The following KCNH8 variants were observed in gnomAD, a reference collection of about 807,000 sequenced individuals.
KCNH8 encodes the protein potassium voltage-gated channel subfamily H member 8.
In KCNH8, 70 loss-of-function variants were observed where a neutral mutation model predicts 103.6. The ratio of observed to expected loss-of-function variants is 0.68; its 90% CI spans 0.56 to 0.82. KCNH8 has a LOEUF of 0.82. KCNH8 is among the 40% of genes least tolerant of loss of function. The pLI, the probability that KCNH8 is intolerant of heterozygous loss-of-function variation, is 0.00. For synonymous variants in KCNH8, 498 were observed against 489.4 expected (o/e 1.02, Z -0.23); for missense variants, 1,217 against 1,329.9 (o/e 0.92, Z 1.32).
intron 3 of KCNH8, among the ~76,000 whole-genome samples, chr3:19,323,379 G>A (rs56177990): frequency 0.029 from 4,434 of 152,174 alleles, 228 homozygotes; most frequent in African/African-American, 0.1. Context: ...AACCCGGGAG[G>A]CAGAGCTTGC....
intron 2 of KCNH8, among the ~76,000 whole-genome samples, chr3:19,262,322 C>T (rs934227264): frequency 2.6e-5 from 4 of 151,766 alleles, no homozygotes; most frequent in Admixed American, 2.6e-4. Flanking sequence ...TCCTTCTCAT[C>T]CATTATTTTG....
intron 7 of KCNH8, among the ~76,000 whole-genome samples, chr3:19,398,336 C>G (rs1250393363): frequency 6.6e-6 from 1 of 151,832 alleles, no homozygotes; most frequent in Non-Finnish European, 1.5e-5. Context: ...ACTAGAATAT[C>G]ATCAAAGGCT....
At position 19,534,230 on chromosome 3, in the gene KCNH8, C is replaced by A; in HGVS notation, c.*131C>A. On this transcript the variant is annotated 3_prime_UTR_variant, in exon 16 of 16. Transcript: ENST00000328405. ...ATCCTGCAGAAAAGAGTGTGAGGAGCCAGGGAAAGGCAGAACCACCTCCAT... is the reference window on the plus strand; with the variant it reads ...ATCCTGCAGAAAAGAGTGTGAGGAGACAGGGAAAGGCAGAACCACCTCCAT... 1 of 670,902 alleles carries A rather than the reference C, an allele frequency of 1.5e-6. No homozygotes were observed. The highest frequency in any genetic ancestry group is 2.5e-6 in the Non-Finnish European group (1 of 396,028). 41.6% of individuals were successfully genotyped at this position (670,902 alleles called of 1,614,324 possible). A position where few individuals can be genotyped will look rare whatever the true frequency, so the allele number is the denominator to read the frequency against.
At chr3:19,204,413 G>T (rs59046749) in intron 1 of KCNH8, among the ~76,000 whole-genome samples, 6,182 of 151,952 alleles carry the variant, frequency 0.041, 445 homozygotes, top group African/African-American at 0.14. Flanking sequence ...CTCTTGCTGG[G>T]AGTGGGGGAA....
intron 3 of KCNH8, among the ~76,000 whole-genome samples, chr3:19,311,619 G>T (rs761958457): frequency 1.3e-5 from 2 of 151,624 alleles, no homozygotes; most frequent in Non-Finnish European, 2.9e-5. Context: ...ATTTCCTCAC[G>T]CTCAGTCTGT....
chr3:19,305,665 A>T (rs1216951913), intron 3 of KCNH8, among the ~76,000 whole-genome samples: 1 of 152,158 alleles, frequency 6.6e-6, no homozygotes, highest in Admixed American at 6.5e-5. Context: ...TAGTGTTAGT[A>T]GCAATAAACA....
At chr3:19,371,130 T>C (rs1476147112) in intron 5 of KCNH8, among the ~76,000 whole-genome samples, 1 of 151,266 alleles carries the variant, frequency 6.6e-6, no homozygotes, top group African/African-American at 2.4e-5. Flanking sequence ...TACCCAGTAA[T>C]GGGATGGCTG....
intron 7 of KCNH8, among the ~76,000 whole-genome samples, chr3:19,418,274 T>C (rs2066892976): frequency 6.6e-6 from 1 of 152,064 alleles, no homozygotes; most frequent in Non-Finnish European, 1.5e-5. Context: ...ATTTGCAAGA[T>C]AAATAAACCT....
At chr3:19,228,945 G>A (rs1485070889) in intron 1 of KCNH8, among the ~76,000 whole-genome samples, 2 of 152,228 alleles carry the variant, frequency 1.3e-5, no homozygotes, top group Non-Finnish European at 2.9e-5. Context: ...TGCAAGTCAT[G>A]CAGCGAAGCC....
chr3:19,415,217 A>AC (rs1343376671), intron 7 of KCNH8, among the ~76,000 whole-genome samples: 1 of 151,966 alleles, frequency 6.6e-6, no homozygotes, highest in Non-Finnish European at 1.5e-5. Flanking sequence ...TGTTCTAGGT[A>AC]CCTACATGGG....
chr3:19,171,575 T>A (rs1321218620), intron 1 of KCNH8, among the ~76,000 whole-genome samples: 2 of 152,184 alleles, frequency 1.3e-5, no homozygotes, highest in Non-Finnish European at 2.9e-5. Context: ...ACTCTATAAA[T>A]AAGTTAGCCT....
chr3:19,161,545 GTTAACT>G (rs1264242983), intron 1 of KCNH8, among the ~76,000 whole-genome samples: 1 of 152,156 alleles, frequency 6.6e-6, no homozygotes, highest in African/African-American at 2.4e-5. Flanking sequence ...TGGAAAACCA[GTTAACT>G]TTAATAATGG....
At chr3:19,474,243 A>G (rs2067923483) in intron 11 of KCNH8, among the ~76,000 whole-genome samples, 1 of 152,212 alleles carries the variant, frequency 6.6e-6, no homozygotes, top group African/African-American at 2.4e-5. Context: ...CATATTTAAT[A>G]GTGCTTTTCC....
chr3:19,483,593 C>G (rs1325316750), intron 11 of KCNH8, among the ~76,000 whole-genome samples: 1 of 152,172 alleles, frequency 6.6e-6, no homozygotes, highest in Non-Finnish European at 1.5e-5. Flanking sequence ...CATTGAGAAA[C>G]TGGGCTACAT....
intron 11 of KCNH8, among the ~76,000 whole-genome samples, chr3:19,488,229 G>A (rs1319739569): frequency 6.6e-6 from 1 of 152,178 alleles, no homozygotes; most frequent in African/African-American, 2.4e-5. Flanking sequence ...TGGTTACATT[G>A]AAAGTGTGGG....
intron 2 of KCNH8, among the ~76,000 whole-genome samples, chr3:19,262,054 C>A (rs1559448572): frequency 6.7e-6 from 1 of 150,332 alleles, no homozygotes; most frequent in African/African-American, 2.4e-5. Context: ...TGCTTCTAAC[C>A]TTTTTTTTTC....
chr3:19,411,763 C>CCA (rs952996985), intron 7 of KCNH8, among the ~76,000 whole-genome samples: 9 of 150,184 alleles, frequency 6.0e-5, no homozygotes, highest in African/African-American at 2.0e-4. Context: ...TTAACCGTAG[C>CCA]CACACACACA....
intron 11 of KCNH8, among the ~76,000 whole-genome samples, chr3:19,490,483 A>C (rs930164932): frequency 6.6e-6 from 1 of 152,224 alleles, no homozygotes; most frequent in Non-Finnish European, 1.5e-5. Flanking sequence ...ATGGAACAGA[A>C]CAGGACAGGG....
chr3:19,285,507 C>T (rs2064818462), intron 3 of KCNH8, among the ~76,000 whole-genome samples: 1 of 152,064 alleles, frequency 6.6e-6, no homozygotes, highest in Non-Finnish European at 1.5e-5. Flanking sequence ...ATAGAATATG[C>T]TCAATAAAAG....
Sources: gnomAD v4.1 joint callset for allele counts (sites outside exome capture counted in the v4.1 genomes callset) on GRCh38, gnomAD v4.1.1 for gene constraint, MANE v1.5 for transcripts, NCBI Gene and HGNC (gene_info 2026-07-23, HGNC 2026-07-21) for gene names.